LRP1B: variants seen among roughly 807,000 people sequenced by gnomAD.
LRP1B encodes the protein low-density lipoprotein receptor-related protein 1B.
Under a neutral mutation model 556.6 loss-of-function variants are expected in LRP1B, and 217 were observed. That is an observed-to-expected ratio of 0.39 (90% CI 0.35 to 0.44). The LOEUF (loss-of-function observed/expected upper bound fraction) is 0.44. LRP1B is among the 20% of genes least tolerant of loss of function. The pLI is 1.00. For missense variants in LRP1B, 5,053 were observed against 5,620.8 expected, an observed-to-expected ratio of 0.90 and a Z score of 3.23; for synonymous variants, 2,047 against 1,865.8, an observed-to-expected ratio of 1.10 and a Z score of -2.50.
At chr2:140,329,251 AAAT>A (rs1429949431) in intron 79 of LRP1B, among the ~76,000 whole-genome samples, 1 of 152,042 alleles carries the variant, frequency 6.6e-6, no homozygotes, top group Non-Finnish European at 1.5e-5. Context: ...TCATACCTCA[AAAT>A]AATAACCATT....
At chr2:140,298,298 C>T (rs1054949737) in intron 83 of LRP1B, among the ~76,000 whole-genome samples, 2 of 109,682 alleles carry the variant, frequency 1.8e-5, no homozygotes, top group African/African-American at 6.6e-5. Context: ...TTGGCCCTTT[C>T]AATTATTTTT....
At chr2:141,664,620 A>T (rs1574213858) in intron 2 of LRP1B, among the ~76,000 whole-genome samples, 1 of 152,238 alleles carries the variant, frequency 6.6e-6, no homozygotes, top group East Asian at 1.9e-4. Context: ...TGCAAAGAGA[A>T]TAAAATACCT....
intron 3 of LRP1B, among the ~76,000 whole-genome samples, chr2:141,395,634 T>C (rs1473140911): frequency 2.0e-5 from 3 of 152,110 alleles, no homozygotes; most frequent in Non-Finnish European, 2.9e-5. Flanking sequence ...AATTGTGTAG[T>C]GTGGGGCATT....
chr2:141,336,860 C>A (rs974096645), intron 3 of LRP1B, among the ~76,000 whole-genome samples: 1 of 152,096 alleles, frequency 6.6e-6, no homozygotes, highest in African/African-American at 2.4e-5. Flanking sequence ...AGGAGCACCA[C>A]GTTATGTCTA....
intron 65 of LRP1B, 47 bp from the exon 66 acceptor site, chr2:140,442,670 TA>T: frequency 6.3e-7 from 1 of 1,593,058 alleles, no homozygotes. Flanking sequence ...AGAACATATT[TA>T]TTTATTAAAA....
At chr2:141,481,367 G>A (rs1054375296) in intron 2 of LRP1B, among the ~76,000 whole-genome samples, 4 of 152,030 alleles carry the variant, frequency 2.6e-5, no homozygotes, top group African/African-American at 9.7e-5. Context: ...ATCCCCATAT[G>A]ATTCTTAGTC....
chr2:141,937,567 ATGTATGTGTG>A (rs1186000030), intron 1 of LRP1B, among the ~76,000 whole-genome samples: 1 of 151,490 alleles, frequency 6.6e-6, no homozygotes, highest in Non-Finnish European at 1.5e-5. Flanking sequence ...ATCCCAACAG[ATGTATGTGTG>A]TGTATGTGTG....
intron 9 of LRP1B, among the ~76,000 whole-genome samples, chr2:141,058,333 T>A (rs567731405): frequency 7.9e-5 from 12 of 151,904 alleles, no homozygotes; most frequent in Non-Finnish European, 1.8e-4. Flanking sequence ...ATTCTCTTTT[T>A]TTATGTATGA....
intron 2 of LRP1B, among the ~76,000 whole-genome samples, chr2:141,604,082 T>C (rs1344493701): frequency 6.6e-6 from 1 of 152,134 alleles, no homozygotes; most frequent in African/African-American, 2.4e-5. Context: ...AAACAAACAA[T>C]TAAGAAACAA....
intron 1 of LRP1B, among the ~76,000 whole-genome samples, chr2:142,036,016 G>A (rs1387181975): frequency 2.0e-5 from 3 of 151,368 alleles, no homozygotes; most frequent in Non-Finnish European, 4.4e-5. Flanking sequence ...TTTACCTCCC[G>A]CCGTGATTCT....
intron 7 of LRP1B, among the ~76,000 whole-genome samples, chr2:141,176,047 G>T (rs1279508044): frequency 1.3e-5 from 2 of 152,094 alleles, no homozygotes; most frequent in South Asian, 2.1e-4. Flanking sequence ...TGGAGTGGTG[G>T]CATTTACCCA....
chr2:140,909,023 T>A (rs2105234452), intron 21 of LRP1B, among the ~76,000 whole-genome samples: 1 of 152,310 alleles, frequency 6.6e-6, no homozygotes, highest in Non-Finnish European at 1.5e-5. Flanking sequence ...GGTCTCAAAC[T>A]CTTGACCTCA....
rs541141691 is a variant in LRP1B at position 141,056,999 on chromosome 2, C to G, written c.1409-1740G>C. Among the ~76,000 whole-genome samples the G allele has an allele frequency of 2.6e-5, 4 of 152,014 alleles. No individual in the cohort carries two copies. The East Asian group carries it at 7.8e-4, about 30-fold the overall frequency. ...CCACTGTCTGATTTATACTCCACCT[C>G]TAATGTATCAGAAAATCCTATCGGC... On this transcript the variant is annotated intron_variant, in intron 9 of 90. Coordinates refer to ENST00000389484, the MANE Select transcript of LRP1B (RefSeq NM_018557.3).
chr2:141,687,232 T>C (rs6731926), intron 2 of LRP1B, among the ~76,000 whole-genome samples: 4,845 of 152,032 alleles, frequency 0.032, 254 homozygotes, highest in African/African-American at 0.11. Flanking sequence ...TAATCAGAGA[T>C]GCCACAGTTT....
intron 29 of LRP1B, among the ~76,000 whole-genome samples, chr2:140,848,474 A>G (rs1442790562): frequency 1.3e-5 from 2 of 152,188 alleles, no homozygotes; most frequent in African/African-American, 4.8e-5. Flanking sequence ...GTGGTCAAAT[A>G]CTCTCAGATC....
chr2:140,568,000 C>T (rs917803028), intron 43 of LRP1B, among the ~76,000 whole-genome samples: 2 of 151,998 alleles, frequency 1.3e-5, no homozygotes, highest in African/African-American at 2.4e-5. Flanking sequence ...AACGCCCACA[C>T]CATAACATTT....
At chr2:141,380,117 T>G (rs1052654233) in intron 3 of LRP1B, among the ~76,000 whole-genome samples, 2 of 152,058 alleles carry the variant, frequency 1.3e-5, no homozygotes, top group African/African-American at 4.8e-5. Context: ...TTGGAGCTGT[T>G]GAGATCCAGC....
At chr2:141,649,985 G>GC (rs1445111876) in intron 2 of LRP1B, among the ~76,000 whole-genome samples, 3 of 152,168 alleles carry the variant, frequency 2.0e-5, no homozygotes. Context: ...TTTGAGACCA[G>GC]CCTGGGCAAC....
intron 1 of LRP1B, among the ~76,000 whole-genome samples, chr2:142,100,836 T>C (rs895914710): frequency 6.6e-6 from 1 of 151,940 alleles, no homozygotes; most frequent in Admixed American, 6.6e-5. Flanking sequence ...ATTTCAAATT[T>C]AGCTTTCTTC....
Sources: gnomAD v4.1 joint callset for allele counts (sites outside exome capture counted in the v4.1 genomes callset) on GRCh38, gnomAD v4.1.1 for gene constraint, MANE v1.5 for transcripts, NCBI Gene and HGNC (gene_info 2026-07-23, HGNC 2026-07-21) for gene names.